Variants in ZNF44 observed in about 807,000 individuals in gnomAD.
ZNF44 encodes gonadotropin inducible transcription repressor-2.
In ZNF44, 9 loss-of-function variants were observed where a neutral mutation model predicts 11.7. The observed-to-expected ratio is 0.77, with a 90% CI of 0.46 to 1.35. The LOEUF is 1.35. ZNF44 is among the 40% of genes most tolerant of loss of function. The pLI is 0.00. For missense variants in ZNF44, 696 were observed against 743.1 expected, an observed-to-expected ratio of 0.94 and a Z score of 0.74; for synonymous variants, 224 against 242.7, an observed-to-expected ratio of 0.92 and a Z score of 0.72.
chr19:12,269,820 A>G (rs567718446), downstream of ZNF44, among the ~76,000 whole-genome samples: 26 of 152,046 alleles, frequency 1.7e-4, no homozygotes, highest in African/African-American at 6.3e-4. Context: ...CCAAAGTTGT[A>G]TATATATATA....
downstream of ZNF44, among the ~76,000 whole-genome samples, chr19:12,266,864 G>T (rs757653522): frequency 3.3e-5 from 5 of 152,030 alleles, no homozygotes; most frequent in Admixed American, 6.6e-5. Flanking sequence ...CATTCTCAGT[G>T]GCCAAAGGAA....
downstream of ZNF44, among the ~76,000 whole-genome samples, chr19:12,243,322 T>A (rs1262972158): frequency 6.6e-6 from 1 of 152,190 alleles, no homozygotes; most frequent in East Asian, 1.9e-4. Context: ...GTTTTTAACC[T>A]TTGACCAACA....
At chr19:12,258,538 T>C (rs532040817) in intron 5 of ZNF44, among the ~76,000 whole-genome samples, 29 of 151,800 alleles carry the variant, frequency 1.9e-4, no homozygotes, top group African/African-American at 6.5e-4. Flanking sequence ...AATACCTAAT[T>C]TGAATTTATG....
chr19:12,240,355 G>C (rs138116949), upstream of ZNF44, among the ~76,000 whole-genome samples: 4 of 148,074 alleles, frequency 2.7e-5, no homozygotes, highest in Non-Finnish European at 5.9e-5. Context: ...TGAGGCAGGA[G>C]AATTACTTGA....
At chr19:12,252,967 A>G (rs1430183584) in intron 5 of ZNF44, among the ~76,000 whole-genome samples, 3 of 138,222 alleles carry the variant, frequency 2.2e-5, no homozygotes, top group African/African-American at 8.3e-5. Context: ...GGCTCACTGC[A>G]ACCTCCGCCT....
chr19:12,243,366 A>G (rs1916683415), downstream of ZNF44, among the ~76,000 whole-genome samples: 1 of 152,194 alleles, frequency 6.6e-6, no homozygotes, highest in Admixed American at 6.5e-5. Flanking sequence ...GGACTCTAGT[A>G]ACCACCGTTC....
intron 1 of ZNF44, among the ~76,000 whole-genome samples, chr19:12,290,395 C>CAAA (rs1173811759): frequency 1.1e-5 from 1 of 93,968 alleles, no homozygotes; most frequent in Non-Finnish European, 2.2e-5. Flanking sequence ...CCGTCTTAAA[C>CAAA]AAAAAAAAAA....
chr19:12,246,905 A>G (rs2438560), downstream of ZNF44, among the ~76,000 whole-genome samples: 56,373 of 151,258 alleles, frequency 0.37, 12,991 homozygotes, highest in African/African-American at 0.66. Flanking sequence ...GGTGGCTCAT[A>G]CCTATAATCC....
chr19:12,282,475 G>C (rs1373070347), intron 1 of ZNF44, among the ~76,000 whole-genome samples: 1 of 147,416 alleles, frequency 6.8e-6, no homozygotes, highest in African/African-American at 2.5e-5. Flanking sequence ...AGGCTGGAGT[G>C]CAATAGCACG....
At chr19:12,228,411 G>A (rs1486039574) in intron 3 of ZNF44, among the ~76,000 whole-genome samples, 2 of 152,166 alleles carry the variant, frequency 1.3e-5, no homozygotes, top group African/African-American at 4.8e-5. Flanking sequence ...GATAAGGTCT[G>A]GCTTAGTCCA....
chr19:12,272,146 G>A lies in ZNF44; in HGVS notation c.*261C>T. 1 of 337,444 alleles carries A rather than the reference G, an allele frequency of 3.0e-6. No individual in the cohort carries two copies. The highest frequency in any genetic ancestry group is 5.0e-6 in the Non-Finnish European group (1 of 201,044). The allele number at this position is 337,444 out of a possible 1,614,324, so 20.9% of individuals were successfully genotyped here. On this transcript the variant is annotated 3_prime_UTR_variant, in exon 4 of 4. Transcript: ENST00000355684. ...TGAGTAGCTAGGACTACAGGTGTGA[G>A]CAACTATGCCTGGCTATTTTTTTTT...
chr19:12,276,809 TAATA>T (rs1967243873), intron 1 of ZNF44, among the ~76,000 whole-genome samples: 1 of 152,166 alleles, frequency 6.6e-6, no homozygotes, highest in South Asian at 2.1e-4. Context: ...ATGAATGGCT[TAATA>T]AATAAACTGG....
chr19:12,287,350 G>A (rs1568457211), intron 1 of ZNF44, among the ~76,000 whole-genome samples: 1 of 152,042 alleles, frequency 6.6e-6, no homozygotes, highest in Non-Finnish European at 1.5e-5. Context: ...GAGTAGCTGG[G>A]ACTACAGGCA....
At chr19:12,258,331 CAAAAAAAA>C (rs145891891) in intron 5 of ZNF44, among the ~76,000 whole-genome samples, 3 of 41,008 alleles carry the variant, frequency 7.3e-5, no homozygotes, top group South Asian at 2.3e-3. Flanking sequence ...GATCTTGTCT[CAAAAAAAA>C]AAAAAAAAAA....
intron 5 of ZNF44, among the ~76,000 whole-genome samples, chr19:12,257,958 G>A (rs996325042): frequency 4.6e-5 from 7 of 151,542 alleles, no homozygotes; most frequent in African/African-American, 1.7e-4. Context: ...GCGATAGAGC[G>A]AAACTCTATC....
intron 1 of ZNF44, among the ~76,000 whole-genome samples, chr19:12,278,424 T>C (rs1396161078): frequency 6.6e-6 from 1 of 152,026 alleles, no homozygotes; most frequent in African/African-American, 2.4e-5. Flanking sequence ...TCTAAATTTC[T>C]GTGTGTGTGT....
In ZNF44 at chr19:12,249,207, T is replaced by A. The variant is rs958516898; in HGVS notation, c.*187-529A>T. Reference sequence around the variant, plus strand: ...TGGACCATGAACATCTATGCCATATTTAAGAAAGCACTTTGGGGCCAGGCG... The same window carrying A: ...TGGACCATGAACATCTATGCCATATATAAGAAAGCACTTTGGGGCCAGGCG... On this transcript the variant is annotated intron_variant and NMD_transcript_variant, in intron 7 of 7. Transcript: ENST00000393337. Among the ~76,000 whole-genome samples the A allele has an allele frequency of 2.2e-4, 34 of 151,474 alleles. 1 individual carries two copies. Among genetic ancestry groups the A allele is most frequent in the African/African-American group, 8.2e-4 (34 of 41,298 alleles).
chr19:12,256,464 G>A (rs182792460), intron 5 of ZNF44, among the ~76,000 whole-genome samples: 2 of 152,154 alleles, frequency 1.3e-5, no homozygotes, highest in East Asian at 3.9e-4. Context: ...CAGCCTGGGT[G>A]ACAGAGAGAT....
upstream of ZNF44, among the ~76,000 whole-genome samples, chr19:12,239,168 A>G (rs1231387248): frequency 1.3e-5 from 2 of 152,162 alleles, no homozygotes; most frequent in Non-Finnish European, 2.9e-5. Context: ...GCTGGAGTGC[A>G]GTGGCGTGAT....
Sources: allele counts gnomAD v4.1 joint callset (sites outside exome capture counted in the v4.1 genomes callset), GRCh38; gene constraint gnomAD v4.1.1; transcripts MANE v1.5; gene names NCBI Gene and HGNC (gene_info 2026-07-23, HGNC 2026-07-21).